Variants in ALMS1 observed in about 807,000 individuals in gnomAD.
The protein encoded by ALMS1 is centrosome-associated protein ALMS1.
A neutral mutation model predicts 352.2 loss-of-function variants in ALMS1; 271 were observed. The observed-to-expected ratio is 0.77, with a 90% CI of 0.70 to 0.85. ALMS1 has a LOEUF of 0.85. Ranked by LOEUF, ALMS1 falls within the 40% of genes least tolerant of loss-of-function variation. The pLI is 0.00. For missense variants in ALMS1, 5,445 were observed against 4,870.7 expected, an observed-to-expected ratio of 1.12 and a Z score of -3.51; for synonymous variants, 1,865 against 1,761.2, an observed-to-expected ratio of 1.06 and a Z score of -1.48.
intron 13 of ALMS1, among the ~76,000 whole-genome samples, chr2:73,555,849 ACT>A (rs1416307375): frequency 4.6e-5 from 7 of 152,276 alleles, no homozygotes; most frequent in Admixed American, 3.3e-4. Context: ...TAATTGACTA[ACT>A]CTCAAAATCA....
chr2:73,566,681 A>G (rs79500890), intron 15 of ALMS1, among the ~76,000 whole-genome samples: 3,101 of 152,224 alleles, frequency 0.02, 109 homozygotes, highest in African/African-American at 0.071. Flanking sequence ...GACACTGACA[A>G]CCTGTACTTA....
chr2:73,515,646 T>C (rs976253858), intron 10 of ALMS1, among the ~76,000 whole-genome samples: 1 of 151,996 alleles, frequency 6.6e-6, no homozygotes, highest in Non-Finnish European at 1.5e-5. Context: ...AAACCAAAAG[T>C]TGATTCTTCC....
intron 3 of ALMS1, among the ~76,000 whole-genome samples, chr2:73,421,236 G>T (rs996027229): frequency 6.6e-6 from 1 of 152,074 alleles, no homozygotes; most frequent in Non-Finnish European, 1.5e-5. Context: ...GCTATTTTAG[G>T]TACTGAGGAT....
At chr2:73,460,610 G>T (rs972535284) in intron 9 of ALMS1, among the ~76,000 whole-genome samples, 1 of 152,278 alleles carries the variant, frequency 6.6e-6, no homozygotes, top group East Asian at 1.9e-4. Context: ...TGGGTGCAGC[G>T]CACCATTCAC....
At chr2:73,407,276 C>T (rs570272511) in intron 1 of ALMS1, among the ~76,000 whole-genome samples, 13 of 152,198 alleles carry the variant, frequency 8.5e-5, no homozygotes, top group South Asian at 2.1e-4. Flanking sequence ...GTCATTAAGC[C>T]GTTCAGATCT....
intron 1 of ALMS1, among the ~76,000 whole-genome samples, chr2:73,392,113 G>A (rs1283177513): frequency 6.6e-6 from 1 of 151,890 alleles, no homozygotes; most frequent in African/African-American, 2.4e-5. Context: ...ATTTGACTAG[G>A]TAGGGGTTTA....
At chr2:73,547,739 G>T (rs1674351118) in intron 12 of ALMS1, among the ~76,000 whole-genome samples, 1 of 152,138 alleles carries the variant, frequency 6.6e-6, no homozygotes, top group Non-Finnish European at 1.5e-5. Flanking sequence ...GTTTATTCTT[G>T]CCACTATATG....
intron 16 of ALMS1, among the ~76,000 whole-genome samples, chr2:73,587,778 T>C (rs1675342350): frequency 6.6e-6 from 1 of 152,082 alleles, no homozygotes; most frequent in African/African-American, 2.4e-5. Flanking sequence ...TTAGTGAGAT[T>C]AACCAAGAAA....
At chr2:73,563,734 AAAAAAATAAAAAT>A (rs1366961125) in intron 15 of ALMS1, among the ~76,000 whole-genome samples, 31 of 144,418 alleles carry the variant, frequency 2.1e-4, no homozygotes, top group African/African-American at 7.9e-4. Context: ...AAAAAAAAAA[AAAAAAATAAAAAT>A]AAAAAATGAA....
intron 1 of ALMS1, among the ~76,000 whole-genome samples, chr2:73,391,698 C>T (rs1363516588): frequency 1.3e-5 from 2 of 152,140 alleles, no homozygotes; most frequent in Admixed American, 1.3e-4. Context: ...ATTTTATTTG[C>T]AGATATTTGA....
intron 9 of ALMS1, among the ~76,000 whole-genome samples, chr2:73,484,343 G>C (rs1246089): frequency 0.49 from 71,033 of 144,444 alleles, 19,677 homozygotes; most frequent in East Asian, 0.74. Context: ...AGCTTAGTTT[G>C]GCTGGATATG....
Position 73,449,516 on chromosome 2 carries a change from A to C in ALMS1, c.2989A>C (p.Thr997Pro). 8.1e-6 allele frequency: 13 copies of C among 1,613,796 alleles called. No individual in the cohort carries two copies. The highest frequency in any genetic ancestry group is 1.1e-5 in the Non-Finnish European group (13 of 1,179,902). ...LTDQKTVPTP[T>P]VPSGSFSHRE... ...TGACCAGAAGACTGTCCCAACACCA[A>C]CAGTACCTTCAGGTTCCTTCTCACA... Residue 997 changes from threonine to proline, a missense_variant, in exon 8 of 23, where the codon ACA becomes CCA. Thr to Pro is a conservative substitution (Grantham distance 38). Coordinates refer to ENST00000613296, the MANE Select transcript of ALMS1 (RefSeq NM_001378454.1).
intron 15 of ALMS1, among the ~76,000 whole-genome samples, chr2:73,568,318 T>G (rs1203200195): frequency 6.6e-6 from 1 of 152,178 alleles, no homozygotes; most frequent in Non-Finnish European, 1.5e-5. Flanking sequence ...GATATCTAAC[T>G]AATGTTGAAA....
At chr2:73,431,802 C>T (rs1249382423) in intron 6 of ALMS1, among the ~76,000 whole-genome samples, 1 of 152,098 alleles carries the variant, frequency 6.6e-6, no homozygotes, top group African/African-American at 2.4e-5. Flanking sequence ...ACCTCTCTAC[C>T]TTAAAAAGAA....
At chr2:73,479,267 T>A (rs1306329616) in intron 9 of ALMS1, among the ~76,000 whole-genome samples, 1 of 152,182 alleles carries the variant, frequency 6.6e-6, no homozygotes, top group South Asian at 2.1e-4. Context: ...ATAACTGTGG[T>A]GATATATCAC....
At chr2:73,568,821 T>G (rs1438027541) in intron 15 of ALMS1, among the ~76,000 whole-genome samples, 1 of 152,020 alleles carries the variant, frequency 6.6e-6, no homozygotes, top group Non-Finnish European at 1.5e-5. Context: ...GGGGAGAATT[T>G]TGCAAATGTT....
intron 7 of ALMS1, among the ~76,000 whole-genome samples, chr2:73,444,471 T>A (rs1299442007): frequency 6.6e-6 from 1 of 152,226 alleles, no homozygotes; most frequent in Non-Finnish European, 1.5e-5. Flanking sequence ...AGGAAGAGTC[T>A]ATAACGCACT....
intron 2 of ALMS1, among the ~76,000 whole-genome samples, chr2:73,415,024 G>A (rs534926231): frequency 2.7e-4 from 41 of 152,014 alleles, no homozygotes; most frequent in African/African-American, 8.7e-4. Context: ...TGGAATGTTC[G>A]CGGTCTCATC....
At chr2:73,407,391 C>T (rs534790363) in intron 1 of ALMS1, among the ~76,000 whole-genome samples, 1 of 152,290 alleles carries the variant, frequency 6.6e-6, no homozygotes. Context: ...TAAGTTTTAA[C>T]ATGAGTTTTA....
Sources: gnomAD v4.1 joint callset for allele counts (sites outside exome capture counted in the v4.1 genomes callset) on GRCh38, gnomAD v4.1.1 for gene constraint, MANE v1.5 for transcripts, NCBI Gene and HGNC (gene_info 2026-07-23, HGNC 2026-07-21) for gene names.